The following CDKL4 variants were observed in gnomAD, a reference collection of about 807,000 sequenced individuals.
CDKL4 encodes cyclin dependent kinase like 4.
Under a neutral mutation model 42.0 loss-of-function variants are expected in CDKL4, and 44 were observed. The observed-to-expected ratio is 1.05, with a 90% CI of 0.82 to 1.35. The LOEUF is 1.35. Among genes scored for constraint, CDKL4 ranks in the 40% most tolerant of loss-of-function variants. The pLI is 0.00. For synonymous variants in CDKL4, 120 were observed against 121.6 expected (o/e 0.99, Z 0.09); for missense variants, 393 against 369.9 (o/e 1.06, Z -0.51).
At chr2:39,237,391 A>G (rs1679429729) in intron 1 of CDKL4, among the ~76,000 whole-genome samples, 1 of 152,238 alleles carries the variant, frequency 6.6e-6, no homozygotes. Context: ...CCTCAAGGGC[A>G]TCTGTGAAAA....
intron 1 of CDKL4, among the ~76,000 whole-genome samples, chr2:39,232,133 G>C (rs980477115): frequency 3.3e-5 from 5 of 151,966 alleles, no homozygotes; most frequent in African/African-American, 1.2e-4. Context: ...ATTCAGTAAC[G>C]ACTGATTCCT....
At chr2:39,172,831 C>T (rs1445276206), downstream of CDKL4, among the ~76,000 whole-genome samples, 2 of 152,178 alleles carry the variant, frequency 1.3e-5, no homozygotes, top group Non-Finnish European at 2.9e-5. Flanking sequence ...ATCCGCCTGC[C>T]TTGGCCTCCC....
chr2:39,217,369 G>A (rs1280043296), intron 3 of CDKL4, among the ~76,000 whole-genome samples: 2 of 152,106 alleles, frequency 1.3e-5, no homozygotes, highest in African/African-American at 2.4e-5. Context: ...ACATGATGGG[G>A]GAATTCAGAC....
the CDKL4 span, among the ~76,000 whole-genome samples, chr2:39,168,329 T>C: frequency 2.0e-5 from 3 of 152,140 alleles, no homozygotes; most frequent in East Asian, 5.8e-4. Context: ...GGTCAATGAG[T>C]AGTGTTCATA....
chr2:39,245,339 G>A (rs1341497807), upstream of CDKL4, among the ~76,000 whole-genome samples: 1 of 152,148 alleles, frequency 6.6e-6, no homozygotes, highest in Non-Finnish European at 1.5e-5. Context: ...AAGGTCTGCA[G>A]CTTCACTCCT....
At position 39,204,660 on chromosome 2, in the gene CDKL4, G is replaced by A. The variant is rs746230153; in HGVS notation, c.364-43C>T. The A allele has an allele frequency of 5.4e-6, 6 of 1,111,710 alleles. No homozygotes were observed. In the African/African-American group the frequency reaches 7.8e-5, roughly 14 times the overall value. The allele number at this position is 1,111,710 out of a possible 1,614,324, so 68.9% of individuals were successfully genotyped here. Reference sequence around the variant, plus strand: ...GATTATTTTTCTGAACCATCAAAATGACAAAGAATAAACATTAACTACTAG... The same window carrying A: ...GATTATTTTTCTGAACCATCAAAATAACAAAGAATAAACATTAACTACTAG... On this transcript the variant is annotated intron_variant, in intron 4 of 9. Coordinates refer to ENST00000451199, the Ensembl canonical transcript of CDKL4.
chr2:39,175,152 AT>A (rs1281691186), downstream of CDKL4, among the ~76,000 whole-genome samples: 2 of 152,132 alleles, frequency 1.3e-5, no homozygotes, highest in Non-Finnish European at 2.9e-5. Context: ...GGGCTGTACA[AT>A]TTCATAGAGG....
intron 7 of CDKL4, among the ~76,000 whole-genome samples, chr2:39,186,802 T>C (rs1208913369): frequency 1.3e-5 from 2 of 152,142 alleles, no homozygotes; most frequent in Non-Finnish European, 2.9e-5. Flanking sequence ...AGAATATAAT[T>C]ATTTAAGGGA....
chr2:39,218,225 G>GGAT (rs201314140), intron 3 of CDKL4, among the ~76,000 whole-genome samples: 5,183 of 152,070 alleles, frequency 0.034, 127 homozygotes, highest in South Asian at 0.059. Context: ...TTTCTGCCAG[G>GGAT]TGCAGTGGCT....
chr2:39,207,810 A>G (rs573185816), intron 4 of CDKL4, among the ~76,000 whole-genome samples: 14 of 152,310 alleles, frequency 9.2e-5, no homozygotes, highest in East Asian at 5.8e-4. Context: ...AGTAAAAACA[A>G]TTGGAACCTG....
intron 3 of CDKL4, among the ~76,000 whole-genome samples, chr2:39,218,405 G>A (rs1463542151): frequency 6.6e-6 from 1 of 152,138 alleles, no homozygotes; most frequent in African/African-American, 2.4e-5. Flanking sequence ...GGAGACTGAG[G>A]CAGGATTTGC....
Position 39,190,541 on chromosome 2 carries a change from C to T in CDKL4, c.455-39G>A, listed in dbSNP as rs1558551790. 4.4e-6 allele frequency: 7 copies of T among 1,573,526 alleles called. No individual in the cohort carries two copies. The African/African-American group carries it at 9.4e-5, about 21-fold the overall frequency. On this transcript the variant is annotated intron_variant, in intron 5 of 9. Coordinates refer to ENST00000451199, the Ensembl canonical transcript of CDKL4. ...AATCAGATCAGGTAAGTCAATTCTC[C>T]CAACATGTGAACTGCTCCCAAGAAC...
At chr2:39,213,402 T>G (rs925648540) in exon 4 of CDKL4, 1 of 1,567,030 alleles carries the variant, frequency 6.4e-7, no homozygotes, top group East Asian at 2.2e-5. Context: ...TTACTTACGT[T>G]ATGTATATGA....
rs751448221 is a variant in CDKL4 at position 39,199,465 on chromosome 2, G to A, written c.454+5062C>T. Among the ~76,000 whole-genome samples, 13 of 151,876 alleles carry A rather than the reference G, an allele frequency of 8.6e-5. No homozygotes were observed. In the South Asian group the frequency reaches 1.2e-3, roughly 15 times the overall value. The stretch of plus-strand genomic sequence containing the variant: ...ACACTATTCCAAAAGACAGAGAAAG[G>A]GAATCCTCTCTAAATCACTCTATGA... On this transcript the variant is annotated intron_variant, in intron 5 of 9. Transcript: ENST00000451199.
At chr2:39,228,281 T>A (rs1474244996) in intron 2 of CDKL4, among the ~76,000 whole-genome samples, 1 of 152,184 alleles carries the variant, frequency 6.6e-6, no homozygotes, top group Non-Finnish European at 1.5e-5. Context: ...CGGCGCGCCC[T>A]CTGCTGGCTG....
At chr2:39,228,989 G>T (rs902820786) in intron 2 of CDKL4, among the ~76,000 whole-genome samples, 5 of 152,164 alleles carry the variant, frequency 3.3e-5, no homozygotes, top group African/African-American at 1.2e-4. Context: ...CAGGGCATTG[G>T]TGCGGTCCTG....
intron 7 of CDKL4, 43 bp downstream of exon 7, chr2:39,187,584 G>A (rs1675900449): frequency 7.6e-7 from 1 of 1,312,748 alleles, no homozygotes; most frequent in Non-Finnish European, 1.1e-6. Context: ...TTTAAAGAAA[G>A]CCGCAACACA....
At chr2:39,213,293 C>A in intron 4 of CDKL4, 107 bp downstream of exon 4, 1 of 721,406 alleles carries the variant, frequency 1.4e-6, no homozygotes, top group South Asian at 2.0e-5. Flanking sequence ...GCTTCTTTGG[C>A]TCTTACTTTC....
intron 9 of CDKL4, among the ~76,000 whole-genome samples, chr2:39,177,018 G>C (rs1313312797): frequency 1.3e-5 from 2 of 152,012 alleles, no homozygotes; most frequent in Admixed American, 6.6e-5. Context: ...TGCTACAGGG[G>C]GACCCACCAT....
Sources: allele counts gnomAD v4.1 joint callset (sites outside exome capture counted in the v4.1 genomes callset), GRCh38; gene constraint gnomAD v4.1.1; transcripts MANE v1.5; gene names NCBI Gene and HGNC (gene_info 2026-07-23, HGNC 2026-07-21).